MICALL1: variants seen among roughly 807,000 people sequenced by gnomAD.
MICALL1 encodes the protein MICAL-like protein 1.
In MICALL1, 61 loss-of-function variants were observed where a neutral mutation model predicts 83.7. That is an observed-to-expected ratio of 0.73 (90% CI 0.59 to 0.90). The LOEUF (loss-of-function observed/expected upper bound fraction) is 0.90, where lower values mean the gene tolerates loss of function less well. MICALL1 is among the 40% of genes least tolerant of loss of function. The pLI is 0.00. For missense variants in MICALL1, 1,066 were observed against 1,152.0 expected (o/e 0.93, Z 1.08); for synonymous variants, 481 against 473.6 (o/e 1.02, Z -0.20).
chr22:37,914,190 TA>T (rs1375072488), intron 3 of MICALL1, among the ~76,000 whole-genome samples: 1 of 151,030 alleles, frequency 6.6e-6, no homozygotes, highest in Non-Finnish European at 1.5e-5. Flanking sequence ...CCCAACTCTT[TA>T]AAGTGTTTTA....
rs1929091523 is a variant in MICALL1, at chr22:37,922,281, G to T, written c.879G>T (p.Leu293=). The change falls in exon 6 of 16, where the codon CTG becomes CTT. Residue 293 remains leucine, a synonymous_variant. Coordinates refer to ENST00000215957, the MANE Select transcript of MICALL1 (RefSeq NM_033386.4). ...KPRVPGKLQE[L]ASPPAGRPTP... is the part of the protein sequence containing the mutation. ...GGGTTCCTGGCAAACTACAGGAGCT[G>T]GCCAGCCCCCCTGCGGGCCGCCCCA... The T allele has an allele frequency of 1.3e-6, 2 of 1,569,184 alleles. No homozygotes were observed. The highest frequency in any genetic ancestry group is 3.7e-5 in the Admixed American group (2 of 53,666).
intron 1 of MICALL1, among the ~76,000 whole-genome samples, chr22:37,910,412 C>G (rs1438213310): frequency 6.6e-6 from 1 of 152,120 alleles, no homozygotes; most frequent in African/African-American, 2.4e-5. Context: ...GAAAAAGCCT[C>G]TGTTGGGGGC....
At chr22:37,938,399 C>A (rs1432501493) in intron 15 of MICALL1, among the ~76,000 whole-genome samples, 2 of 119,594 alleles carry the variant, frequency 1.7e-5, no homozygotes, top group East Asian at 2.4e-4. Context: ...GAGACTCAGT[C>A]TCAAAAAAAA....
intron 5 of MICALL1, among the ~76,000 whole-genome samples, chr22:37,920,069 C>A (rs558844041): frequency 1.3e-5 from 2 of 152,148 alleles, no homozygotes; most frequent in South Asian, 4.1e-4. Flanking sequence ...AAGTGATCTT[C>A]CTGTCTTACC....
chr22:37,919,153 A>AGGC lies in MICALL1; in HGVS notation c.545_547dup (p.Arg182dup), dbSNP rs758407899. The AGGC allele has an allele frequency of 9.4e-5, 146 of 1,546,186 alleles. No individual in the cohort carries two copies. Among genetic ancestry groups the AGGC allele is most frequent in the Non-Finnish European group, 1.2e-4 (141 of 1,143,828 alleles). ...GGTGCAGCGCTACCTGGCTGACGGC[A>AGGC]GGCTGTACCATCGCCACTGCTTCCG... On this transcript the variant is annotated inframe_insertion, in exon 5 of 16. Transcript: ENST00000215957.
rs56258610 is a variant in MICALL1, at chr22:37,929,816, G to C, written c.1882-1983G>C. On this transcript the variant is annotated intron_variant, in intron 9 of 15. Coordinates refer to ENST00000215957, the MANE Select transcript of MICALL1 (RefSeq NM_033386.4). Reference sequence around the variant, plus strand: ...GCTCCCAAGGCTCATCTGGCCCCAGGTAGAGGGTGGCAGGACAGCCTTTGT... The same window carrying C: ...GCTCCCAAGGCTCATCTGGCCCCAGCTAGAGGGTGGCAGGACAGCCTTTGT... Among the ~76,000 whole-genome samples, 1,160 of 152,356 alleles carry C rather than the reference G, an allele frequency of 7.6e-3. 11 individuals are homozygous for C. Among genetic ancestry groups the C allele is most frequent in the African/African-American group, 0.022 (928 of 41,578 alleles).
rs1030811203 is a variant in MICALL1 at position 37,906,303 on chromosome 22, C to G, written c.-120C>G. The stretch of plus-strand genomic sequence containing the variant: ...CGCCTCCGCCCCTCCCCTCGCCTGC[C>G]GGTCGGCGCCCGAGCTCGGAGCCGC... On this transcript the variant is annotated 5_prime_UTR_variant, in exon 1 of 16. Transcript: ENST00000215957. The surrounding 1 kb of genome is among the most constrained non-coding windows in gnomAD (Gnocchi z 4.4). 4 of 736,234 alleles carry G rather than the reference C, an allele frequency of 5.4e-6. No homozygotes were observed. The African/African-American group carries it at 5.8e-5, about 11-fold the overall frequency. 45.6% of individuals were successfully genotyped at this position (736,234 alleles called of 1,614,324 possible).
At chr22:37,912,567 G>T in intron 3 of MICALL1, 75 bp downstream of exon 3, 1 of 1,400,884 alleles carries the variant, frequency 7.1e-7, no homozygotes, top group Non-Finnish European at 9.6e-7. Flanking sequence ...CTTGCTACTG[G>T]TTTTCTGAGT....
chr22:37,940,860 C>T lies in MICALL1; in HGVS notation c.*30C>T. On this transcript the variant is annotated 3_prime_UTR_variant, in exon 16 of 16. Coordinates refer to ENST00000215957, the MANE Select transcript of MICALL1 (RefSeq NM_033386.4). ...ACGAGAAGCCAGTTGGGGACTGCCC[C>T]CTCCTGGAGCAGCTCCTGGGCTGTG... 3 of 1,612,122 alleles carry T rather than the reference C, an allele frequency of 1.9e-6. No homozygotes were observed. Among genetic ancestry groups the T allele is most frequent in the Middle Eastern group, 1.7e-4 (1 of 6,036 alleles).
intron 9 of MICALL1, among the ~76,000 whole-genome samples, chr22:37,928,569 A>G (rs1047308347): frequency 4.0e-5 from 6 of 151,750 alleles, no homozygotes; most frequent in African/African-American, 1.5e-4. Flanking sequence ...CAGTCTATCT[A>G]CCCATTACCC....
chr22:37,940,666 C>T, intron 15 of MICALL1, 43 bp from the exon 16 acceptor site: 1 of 1,609,320 alleles, frequency 6.2e-7, no homozygotes, highest in Non-Finnish European at 8.5e-7. Flanking sequence ...TGGATGTACC[C>T]CTCTTCTCCA....
In MICALL1 at chr22:37,932,181, G is replaced by A. The variant is rs1219446356; in HGVS notation, c.2016+248G>A. Among the ~76,000 whole-genome samples, 1 of 152,272 alleles carries A rather than the reference G, an allele frequency of 6.6e-6. No homozygotes were observed. Among genetic ancestry groups the A allele is most frequent in the Non-Finnish European group, 1.5e-5 (1 of 68,044 alleles). ...TTTAATTTGTTACTAACAAGTTCAA[G>A]TATCAAGCACTCATGATAACACTGC... On this transcript the variant is annotated intron_variant, in intron 10 of 15. Transcript: ENST00000215957. The surrounding 1 kb of genome is among the most constrained non-coding windows in gnomAD (Gnocchi z 4.4).
Position 37,932,423 on chromosome 22 carries a change from C to A in MICALL1, c.2017-130C>A. The A allele has an allele frequency of 6.9e-7, 1 of 1,444,442 alleles. No homozygotes were observed. 89.5% of individuals were successfully genotyped at this position (1,444,442 alleles called of 1,614,324 possible). On this transcript the variant is annotated intron_variant, in intron 10 of 15. Transcript: ENST00000215957. This position sits in a 1 kb window ranked among gnomAD's most constrained non-coding sequence, Gnocchi z 4.4. The stretch of plus-strand genomic sequence containing the variant: ...CCCTTCCCCACTGGGACCCTGCCTT[C>A]TTACCATGCTGGGGTGGGGGACAGG...
At chr22:37,917,308 C>T (rs1928740073) in intron 3 of MICALL1, among the ~76,000 whole-genome samples, 1 of 152,196 alleles carries the variant, frequency 6.6e-6, no homozygotes, top group Admixed American at 6.5e-5. Flanking sequence ...GAGGCAGCGC[C>T]TTTCCTGAGC....
At chr22:37,915,234 AG>A in intron 3 of MICALL1, among the ~76,000 whole-genome samples, 1 of 152,324 alleles carries the variant, frequency 6.6e-6, no homozygotes, top group Admixed American at 6.5e-5. Flanking sequence ...CCTGGGCAAC[AG>A]AGCGAGACCC....
At chr22:37,913,864 T>A (rs1055788662) in intron 3 of MICALL1, among the ~76,000 whole-genome samples, 36 of 149,582 alleles carry the variant, frequency 2.4e-4, no homozygotes, top group Non-Finnish European at 5.0e-4. Context: ...TCTAGACAGT[T>A]CTGGCCCAAC....
intron 15 of MICALL1, among the ~76,000 whole-genome samples, chr22:37,938,522 T>C (rs1251286588): frequency 2.6e-5 from 4 of 151,382 alleles, no homozygotes; most frequent in Admixed American, 6.6e-5. Context: ...GGTGTGATTT[T>C]GGCTTACTGC....
chr22:37,921,910 G>A (rs919430990), intron 5 of MICALL1, 62 bp from the exon 6 acceptor site: 2 of 1,472,086 alleles, frequency 1.4e-6, no homozygotes, highest in African/African-American at 1.4e-5. Flanking sequence ...GCGGCTGGAG[G>A]GGTAGCCAGT....
At position 37,906,516 on chromosome 22, in the gene MICALL1, CG is replaced by C; in HGVS notation, c.97del (p.Asp33ThrfsTer17). 1 of 1,246,490 alleles carries C rather than the reference CG, an allele frequency of 8.0e-7. No individual in the cohort carries two copies. Among genetic ancestry groups the C allele is most frequent in the Non-Finnish European group, 1.0e-6 (1 of 983,474 alleles). 77.2% of individuals were successfully genotyped at this position (1,246,490 alleles called of 1,614,324 possible). A position where few individuals can be genotyped will look rare whatever the true frequency, so the allele number is the denominator to read the frequency against. On this transcript the variant is annotated frameshift_variant, in exon 1 of 16. Coordinates refer to ENST00000215957, the MANE Select transcript of MICALL1 (RefSeq NM_033386.4). LOFTEE classifies it high-confidence loss of function. This position sits in a 1 kb window ranked among gnomAD's most constrained non-coding sequence, Gnocchi z 4.4. ...GATCCGCGACCTGAGCAGCTCCTTCCGGGACGGCCTGGCCTTCTGCGCCATC... is the reference window on the plus strand; with the variant it reads ...GATCCGCGACCTGAGCAGCTCCTTCCGGACGGCCTGGCCTTCTGCGCCATC... ...VEIRDLSSSF[R>X]DGLAFCAILH...
Sources: gnomAD v4.1 joint callset for allele counts (sites outside exome capture counted in the v4.1 genomes callset) on GRCh38, gnomAD v4.1.1 for gene constraint, Gnocchi (gnomAD v3.1) non-coding constraint, MANE v1.5 for transcripts, NCBI Gene and HGNC (gene_info 2026-07-23, HGNC 2026-07-21) for gene names.